Variants in TAFA2 observed in about 807,000 individuals in gnomAD.
TAFA2 encodes chemokine-like protein TAFA-2.
A neutral mutation model predicts 18.8 loss-of-function variants in TAFA2; 7 were observed. The ratio of observed to expected loss-of-function variants is 0.37; its 90% CI spans 0.21 to 0.70. TAFA2 has a LOEUF of 0.70. Ranked by LOEUF, TAFA2 falls within the 30% of genes least tolerant of loss-of-function variation. TAFA2 has a pLI of 0.53. For synonymous variants in TAFA2, 60 were observed against 54.2 expected (o/e 1.11, Z -0.47); for missense variants, 122 against 158.1 (o/e 0.77, Z 1.23).
chr12:61,976,371 G>A (rs1245629115), intron 1 of TAFA2, among the ~76,000 whole-genome samples: 3 of 151,682 alleles, frequency 2.0e-5, no homozygotes, highest in South Asian at 2.1e-4. Context: ...GTTAAACAAC[G>A]TATTTTGATA....
At chr12:61,915,925 C>A (rs1414348168) in intron 1 of TAFA2, among the ~76,000 whole-genome samples, 3 of 152,202 alleles carry the variant, frequency 2.0e-5, no homozygotes, top group Non-Finnish European at 4.4e-5. Context: ...TACCCAGAAA[C>A]AATGTTTTAC....
chr12:61,984,195 T>C (rs749619713), intron 1 of TAFA2, among the ~76,000 whole-genome samples: 2 of 152,240 alleles, frequency 1.3e-5, no homozygotes, highest in African/African-American at 2.4e-5. Context: ...CCCCAGTATG[T>C]AGAACAGTGC....
chr12:62,171,628 G>T (rs772897449), intron 1 of TAFA2, among the ~76,000 whole-genome samples: 4 of 152,248 alleles, frequency 2.6e-5, no homozygotes, highest in East Asian at 1.9e-4. Context: ...ACACAGCAAG[G>T]GGTGCCTTCT....
intron 1 of TAFA2, among the ~76,000 whole-genome samples, chr12:62,254,257 TGA>T (rs2062927919): frequency 6.6e-6 from 1 of 152,206 alleles, no homozygotes; most frequent in Admixed American, 6.5e-5. Context: ...AGCTCTAATA[TGA>T]GTTTCACATT....
At chr12:62,224,232 C>G (rs1184753604) in intron 1 of TAFA2, among the ~76,000 whole-genome samples, 5 of 152,028 alleles carry the variant, frequency 3.3e-5, no homozygotes, top group Non-Finnish European at 7.4e-5. Flanking sequence ...TAAGCATAAG[C>G]ATTTGTATGA....
intron 1 of TAFA2, among the ~76,000 whole-genome samples, chr12:62,068,124 A>G (rs1464455990): frequency 6.6e-6 from 1 of 152,148 alleles, no homozygotes; most frequent in Non-Finnish European, 1.5e-5. Context: ...AAAATTTTAA[A>G]AAAAGCTTAT....
rs191844102 is a variant in TAFA2, at chr12:61,844,137, C to T, written c.106+23183G>A. ...CATTATTCATTTAATAATTTCTGCC[C>T]TGGAACAGGCAAATGAGACCCAATG... On this transcript the variant is annotated intron_variant, in intron 2 of 4. Coordinates refer to ENST00000416284, the MANE Select transcript of TAFA2 (RefSeq NM_178539.5). Among the ~76,000 whole-genome samples, 48 of 152,172 alleles carry T rather than the reference C, an allele frequency of 3.2e-4. 1 individual carries two copies. The highest frequency in any genetic ancestry group is 2.5e-3 in the Admixed American group (38 of 15,256).
At chr12:61,813,256 A>G (rs1304843830) in intron 2 of TAFA2, among the ~76,000 whole-genome samples, 1 of 151,520 alleles carries the variant, frequency 6.6e-6, no homozygotes, top group Non-Finnish European at 1.5e-5. Flanking sequence ...ATCAGTAGTA[A>G]GTTGAGCTTT....
At chr12:62,099,086 T>C (rs912605553) in intron 1 of TAFA2, among the ~76,000 whole-genome samples, 4 of 152,160 alleles carry the variant, frequency 2.6e-5, no homozygotes, top group African/African-American at 9.7e-5. Flanking sequence ...ATAAAAGACC[T>C]AAAATGCCAT....
At chr12:62,060,893 T>A (rs1882330309) in intron 1 of TAFA2, among the ~76,000 whole-genome samples, 1 of 151,982 alleles carries the variant, frequency 6.6e-6, no homozygotes, top group South Asian at 2.1e-4. Context: ...ATGTACCCCA[T>A]AAATATCTAC....
At chr12:62,254,545 A>C (rs986859217) in intron 1 of TAFA2, among the ~76,000 whole-genome samples, 1 of 152,198 alleles carries the variant, frequency 6.6e-6, no homozygotes, top group Non-Finnish European at 1.5e-5. Flanking sequence ...AATGTATTAC[A>C]CAGAAGCCTT....
chr12:62,059,129 A>ATGTGTGTG (rs1565730990), intron 1 of TAFA2, among the ~76,000 whole-genome samples: 32 of 76,844 alleles, frequency 4.2e-4, no homozygotes, highest in African/African-American at 1.6e-3. Flanking sequence ...ATATATATAT[A>ATGTGTGTG]TGTGTGTATA....
intron 1 of TAFA2, among the ~76,000 whole-genome samples, chr12:61,884,070 G>T (rs1875262075): frequency 1.3e-5 from 2 of 152,128 alleles, no homozygotes; most frequent in South Asian, 4.1e-4. Flanking sequence ...GAGATATGAA[G>T]AAAGTAATGT....
intron 4 of TAFA2, among the ~76,000 whole-genome samples, chr12:61,716,037 A>C (rs1869643754): frequency 6.6e-6 from 1 of 152,252 alleles, no homozygotes; most frequent in South Asian, 2.1e-4. Context: ...TAAAACAGAA[A>C]TACTATTAGC....
intron 2 of TAFA2, among the ~76,000 whole-genome samples, chr12:61,830,038 T>TA (rs141459607): frequency 0.039 from 5,863 of 151,460 alleles, 380 homozygotes; most frequent in African/African-American, 0.13. Context: ...AAACTTTGTA[T>TA]AAAAAAATAC....
chr12:61,884,074 G>A (rs1875262252), intron 1 of TAFA2, among the ~76,000 whole-genome samples: 1 of 152,180 alleles, frequency 6.6e-6, no homozygotes, highest in Non-Finnish European at 1.5e-5. Context: ...TATGAAGAAA[G>A]TAATGTCAAG....
intron 1 of TAFA2, among the ~76,000 whole-genome samples, chr12:61,905,856 C>T (rs1392066648): frequency 6.6e-6 from 1 of 152,168 alleles, no homozygotes; most frequent in Non-Finnish European, 1.5e-5. Context: ...CTCTTGATTG[C>T]CACCAGGCAC....
chr12:62,248,200 G>A (rs573741722), intron 1 of TAFA2, among the ~76,000 whole-genome samples: 1 of 152,362 alleles, frequency 6.6e-6, no homozygotes, highest in East Asian at 1.9e-4. Flanking sequence ...ATCAGGTGTG[G>A]ATTCCAGGTG....
intron 1 of TAFA2, among the ~76,000 whole-genome samples, chr12:61,991,417 T>C (rs1880006663): frequency 6.6e-6 from 1 of 152,216 alleles, no homozygotes; most frequent in Non-Finnish European, 1.5e-5. Flanking sequence ...AGCACATATG[T>C]AGGTTTTTAT....
Sources: allele counts gnomAD v4.1 joint callset (sites outside exome capture counted in the v4.1 genomes callset), GRCh38; gene constraint gnomAD v4.1.1; transcripts MANE v1.5; gene names NCBI Gene and HGNC (gene_info 2026-07-23, HGNC 2026-07-21).